UNC13B: variants seen among roughly 807,000 people sequenced by gnomAD.
UNC13B encodes unc-13 homolog B, also known as protein unc-13 homolog B.
UNC13B carries 144 observed loss-of-function variants against 211.0 expected under a neutral mutation model. The observed-to-expected ratio is 0.68, with a 90% CI of 0.60 to 0.78. The LOEUF is 0.78. UNC13B is among the 30% of genes least tolerant of loss of function. The pLI is 0.00. For synonymous variants in UNC13B, 709 were observed against 725.8 expected, an observed-to-expected ratio of 0.98 and a Z score of 0.37; for missense variants, 1,777 against 2,002.0, an observed-to-expected ratio of 0.89 and a Z score of 2.14.
At chr9:35,384,125 T>C (rs990647120) in intron 21 of UNC13B, 121 bp from the exon 22 acceptor site, 1 of 1,493,546 alleles carries the variant, frequency 6.7e-7, no homozygotes, top group Non-Finnish European at 9.0e-7. Flanking sequence ...GGGATGTGTC[T>C]CCAACCCAAT....
chr9:35,310,016 T>C (rs1201804121), intron 9 of UNC13B, among the ~76,000 whole-genome samples: 1 of 152,144 alleles, frequency 6.6e-6, no homozygotes, highest in East Asian at 1.9e-4. Flanking sequence ...GAGGAAGAAA[T>C]GATGACCTCA....
chr9:35,238,498 T>G (rs1479589428), intron 5 of UNC13B, among the ~76,000 whole-genome samples: 2 of 152,196 alleles, frequency 1.3e-5, no homozygotes, highest in Non-Finnish European at 2.9e-5. Flanking sequence ...TCGCTCCATG[T>G]TATACTTTAA....
At position 35,189,995 on chromosome 9, in the gene UNC13B, C is replaced by T. The variant is rs549716684; in HGVS notation, c.22+27690C>T. Among the ~76,000 whole-genome samples the T allele has an allele frequency of 3.9e-5, 6 of 152,222 alleles. No individual in the cohort carries two copies. In the South Asian group the frequency reaches 6.2e-4, roughly 16 times the overall value. On this transcript the variant is annotated intron_variant, in intron 1 of 39. Coordinates refer to ENST00000635942, the MANE Select transcript of UNC13B (RefSeq NM_001371189.2). ...CTGCCAGTTTCTTAATTGGATTACT[C>T]GTTTCAGGATGGAGCCCTTGGAGGA... is the stretch of plus-strand genomic sequence containing the variant.
At chr9:35,179,593 C>A (rs1214446489) in intron 1 of UNC13B, among the ~76,000 whole-genome samples, 3 of 152,054 alleles carry the variant, frequency 2.0e-5, no homozygotes, top group Admixed American at 2.0e-4. Context: ...GATTTTGAGA[C>A]CAGCCTGGGC....
At chr9:35,284,120 C>T (rs773461991) in intron 7 of UNC13B, among the ~76,000 whole-genome samples, 1 of 151,932 alleles carries the variant, frequency 6.6e-6, no homozygotes. Flanking sequence ...ATTAGCCAGG[C>T]GTGGTGGCAT....
chr9:35,204,511 G>A (rs1359871430), intron 1 of UNC13B, among the ~76,000 whole-genome samples: 1 of 152,172 alleles, frequency 6.6e-6, no homozygotes, highest in Non-Finnish European at 1.5e-5. Flanking sequence ...GCTGAATCCT[G>A]GAAAGATTTG....
chr9:35,329,298 A>G (rs1020507730), intron 11 of UNC13B, among the ~76,000 whole-genome samples: 10 of 152,056 alleles, frequency 6.6e-5, no homozygotes, highest in Non-Finnish European at 1.0e-4. Context: ...TATAAACTGA[A>G]GTCATATGGG....
chr9:35,193,652 C>T (rs898499111), intron 1 of UNC13B, among the ~76,000 whole-genome samples: 29 of 131,506 alleles, frequency 2.2e-4, no homozygotes, highest in African/African-American at 7.5e-4. Flanking sequence ...AGCAAGACTC[C>T]GTCTCAAAAA....
chr9:35,176,812 A>G (rs942250537), intron 1 of UNC13B, among the ~76,000 whole-genome samples: 2 of 152,190 alleles, frequency 1.3e-5, no homozygotes, highest in Admixed American at 1.3e-4. Context: ...ACCTACACAG[A>G]TCAGAGAAGT....
chr9:35,385,970 G>C (rs1384980544), intron 23 of UNC13B, among the ~76,000 whole-genome samples, 157 bp downstream of exon 23: 2 of 152,140 alleles, frequency 1.3e-5, no homozygotes, highest in Non-Finnish European at 2.9e-5. Context: ...TTCTGAGAGA[G>C]CACATAGACT....
chr9:35,371,175 T>C (rs190587786), intron 13 of UNC13B, among the ~76,000 whole-genome samples: 29 of 152,246 alleles, frequency 1.9e-4, no homozygotes, highest in African/African-American at 6.7e-4. Context: ...ATTCTATCTA[T>C]TGTTTTTCCT....
At position 35,310,566 on chromosome 9, in the gene UNC13B, T is replaced by C. The variant is rs971232842; in HGVS notation, c.9108T>C (p.His3036=). 5.6e-6 allele frequency: 9 copies of C among 1,613,814 alleles called. No homozygotes were observed. Among genetic ancestry groups the C allele is most frequent in the Non-Finnish European group, 7.6e-6 (9 of 1,179,984 alleles). Residue 3036 remains histidine (H), a synonymous_variant, in exon 10 of 40, where the codon CAT becomes CAC. Coordinates refer to ENST00000635942, the MANE Select transcript of UNC13B (RefSeq NM_001371189.2). ...AGTATCACGAACAAGATGACGACCATCGGGAGACGGACTCGATTCATTCTT... is the reference window on the plus strand; with the variant it reads ...AGTATCACGAACAAGATGACGACCACCGGGAGACGGACTCGATTCATTCTT... ...LDQYHEQDDD[H]RETDSIHSCH...
At chr9:35,245,800 G>A (rs1217368255) in intron 6 of UNC13B, among the ~76,000 whole-genome samples, 13 of 152,090 alleles carry the variant, frequency 8.5e-5, no homozygotes, top group Middle Eastern at 3.4e-3. Flanking sequence ...GAATAGTGCC[G>A]CAATAAACAT....
intron 6 of UNC13B, among the ~76,000 whole-genome samples, chr9:35,252,953 C>G (rs1392943389): frequency 6.6e-6 from 1 of 151,902 alleles, no homozygotes; most frequent in East Asian, 1.9e-4. Flanking sequence ...AATTTTTTTT[C>G]TGTTACCAGC....
rs538965122 is a variant in UNC13B at position 35,310,574 on chromosome 9, C to T, written c.9116C>T (p.Thr3039Met). Residue 3039 changes from threonine to methionine, a missense_variant, in exon 10 of 40, where the codon ACG (threonine) becomes ATG (methionine). By Grantham distance (81) the Thr-to-Met change is moderately conservative. Coordinates refer to ENST00000635942, the MANE Select transcript of UNC13B (RefSeq NM_001371189.2). ...YHEQDDDHRE[T>M]DSIHSCHSSH... is the part of the protein sequence containing the mutation. ...GAACAAGATGACGACCATCGGGAGA[C>T]GGACTCGATTCATTCTTGCCACAGC... 47 of 1,613,870 alleles carry T rather than the reference C, an allele frequency of 2.9e-5. No homozygotes were observed. Among genetic ancestry groups the T allele is most frequent in the Middle Eastern group, 3.3e-4 (2 of 6,084 alleles).
chr9:35,344,622 C>G (rs1188328843), intron 11 of UNC13B, among the ~76,000 whole-genome samples: 1 of 152,108 alleles, frequency 6.6e-6, no homozygotes, highest in Admixed American at 6.6e-5. Context: ...ATAGGAGCCT[C>G]CCATCTAGTA....
At chr9:35,231,785 A>G (rs184208011) in intron 3 of UNC13B, among the ~76,000 whole-genome samples, 90 of 152,288 alleles carry the variant, frequency 5.9e-4, no homozygotes, top group Middle Eastern at 3.4e-3. Context: ...AAAGTTTAGT[A>G]TATTATGATT....
intron 11 of UNC13B, chr9:35,352,585 A>G: frequency 1.6e-6 from 2 of 1,232,160 alleles, no homozygotes; most frequent in Non-Finnish European, 2.0e-6. Context: ...CCATAACAGG[A>G]ACATATCAGA....
intron 7 of UNC13B, among the ~76,000 whole-genome samples, chr9:35,267,376 T>C (rs1408804291): frequency 6.6e-6 from 1 of 152,236 alleles, no homozygotes; most frequent in Non-Finnish European, 1.5e-5. Context: ...AGACCTGGAC[T>C]ATCTTGATGA....
Sources: allele counts gnomAD v4.1 joint callset (sites outside exome capture counted in the v4.1 genomes callset), GRCh38; gene constraint gnomAD v4.1.1; transcripts MANE v1.5; gene names NCBI Gene and HGNC (gene_info 2026-07-23, HGNC 2026-07-21).